LIFR: variants seen among roughly 807,000 people sequenced by gnomAD.
The protein encoded by LIFR is leukemia inhibitory factor receptor.
In LIFR, 84 loss-of-function variants were observed where a neutral mutation model predicts 122.2. That is an observed-to-expected ratio of 0.69 (90% CI 0.58 to 0.82). LIFR has a LOEUF of 0.82. Among genes scored for constraint, LIFR ranks in the 40% least tolerant of loss-of-function variants. The pLI, the probability that LIFR is intolerant of heterozygous loss-of-function variation, is 0.00. For missense variants in LIFR, 1,294 were observed against 1,311.6 expected (o/e 0.99, Z 0.21); for synonymous variants, 422 against 434.7 (o/e 0.97, Z 0.36).
chr5:38,556,281 G>GGGCTCCGC (rs1209426758), intron 1 of LIFR, 53 bp downstream of exon 1: 1 of 151,804 alleles, frequency 6.6e-6, no homozygotes, highest in Non-Finnish European at 1.5e-5. Context: ...ACCCCGCTCG[G>GGGCTCCGC]GGCTCCGCGG....
At chr5:38,541,686 AT>A (rs1211169962) in intron 1 of LIFR, among the ~76,000 whole-genome samples, 1 of 152,240 alleles carries the variant, frequency 6.6e-6, no homozygotes, top group Non-Finnish European at 1.5e-5. Flanking sequence ...AGATATAGGA[AT>A]CATATCCAAC....
At chr5:38,503,207 A>C (rs1171705453) in intron 10 of LIFR, among the ~76,000 whole-genome samples, 5 of 152,204 alleles carry the variant, frequency 3.3e-5, no homozygotes, top group Non-Finnish European at 7.4e-5. Context: ...TATTTGGATG[A>C]TATTTGGAAG....
chr5:38,523,444 T>C lies in LIFR; in HGVS notation c.536A>G (p.Lys179Arg), dbSNP rs766755269. The change falls in exon 5 of 20, where the codon AAA (lysine) becomes AGA (arginine). Residue 179 changes from lysine (K) to arginine (R), a missense_variant. Transcript: ENST00000453190. The part of the protein sequence containing the change: ...NVIWEIKVLR[K>R]ESMELVKLVT... ...TAATTTTACGAGCTCCATACTCTCT[T>C]TACGTAGAACTTTAATTTCCCAGAT... 6.2e-7 allele frequency: 1 copy of C among 1,613,078 alleles called. No individual in the cohort carries two copies. Among genetic ancestry groups the C allele is most frequent in the Non-Finnish European group, 8.5e-7 (1 of 1,179,610 alleles).
chr5:38,600,833 C>T (rs1750209353), intron 2 of LIFR, among the ~76,000 whole-genome samples: 1 of 152,154 alleles, frequency 6.6e-6, no homozygotes, highest in Admixed American at 6.6e-5. Context: ...CTTTCCTGAT[C>T]ATTTTGGGCC....
At chr5:38,483,024 TGGTCATAAA>T (rs1744080140) in intron 18 of LIFR, among the ~76,000 whole-genome samples, 1 of 152,160 alleles carries the variant, frequency 6.6e-6, no homozygotes, top group African/African-American at 2.4e-5. Flanking sequence ...GTTAAAAAGG[TGGTCATAAA>T]GGTGATAACT....
chr5:38,596,456 C>T (rs944874683), upstream of LIFR, among the ~76,000 whole-genome samples: 3 of 152,168 alleles, frequency 2.0e-5, no homozygotes, highest in Admixed American at 1.3e-4. Context: ...GGTGCCTGGG[C>T]CCCACCTCCA....
chr5:38,517,226 A>G (rs796100676), intron 5 of LIFR, among the ~76,000 whole-genome samples: 7 of 152,192 alleles, frequency 4.6e-5, no homozygotes, highest in African/African-American at 1.7e-4. Flanking sequence ...AAATTTAATA[A>G]ATAAAAAAAT....
At chr5:38,542,318 T>C (rs1747635646) in intron 1 of LIFR, among the ~76,000 whole-genome samples, 1 of 152,180 alleles carries the variant, frequency 6.6e-6, no homozygotes, top group Admixed American at 6.5e-5. Flanking sequence ...CCTTTTTTAT[T>C]ATGTAAGTTT....
At chr5:38,484,081 T>G (rs1024498384) in intron 18 of LIFR, among the ~76,000 whole-genome samples, 4 of 152,174 alleles carry the variant, frequency 2.6e-5, no homozygotes, top group African/African-American at 9.7e-5. Flanking sequence ...TTCAGGGCCC[T>G]CAAAGAAATA....
At chr5:38,493,929 A>G (rs1298759448) in intron 13 of LIFR, 144 bp from the exon 14 acceptor site, 14 of 704,928 alleles carry the variant, frequency 2.0e-5, no homozygotes, top group Non-Finnish European at 2.9e-5. Flanking sequence ...CCTAGAGCAA[A>G]GATTAGAAGT....
At chr5:38,487,277 C>T (rs1167923412) in intron 16 of LIFR, among the ~76,000 whole-genome samples, 3 of 152,170 alleles carry the variant, frequency 2.0e-5, no homozygotes, top group South Asian at 2.1e-4. Flanking sequence ...TTTGCAGCCT[C>T]GCATGTACAA....
At position 38,496,449 on chromosome 5, in the gene LIFR, G is replaced by A. The variant is rs746996054; in HGVS notation, c.1818C>T (p.Ser606=). The A allele has an allele frequency of 4.3e-6, 7 of 1,613,856 alleles. No individual in the cohort carries two copies. The highest frequency in any genetic ancestry group is 1.6e-4 in the Middle Eastern group (1 of 6,062). ...AGCCCACAGAATTTTTAGCCACTACGCTGATGATGTAGTCATTCTTATCAA... is the reference window on the plus strand; with the variant it reads ...AGCCCACAGAATTTTTAGCCACTACACTGATGATGTAGTCATTCTTATCAA... The part of the protein sequence containing the change: ...IRLDKNDYII[S]VVAKNSVGSS... The change falls in exon 13 of 20, where the codon AGC becomes AGT. Residue 606 remains serine, a synonymous_variant. Transcript: ENST00000453190.
In LIFR at chr5:38,481,263, A is replaced by G. The variant is rs962329134; in HGVS notation, c.*332T>C. The G allele has an allele frequency of 1.8e-5, 7 of 395,178 alleles. No homozygotes were observed. Among genetic ancestry groups the G allele is most frequent in the Non-Finnish European group, 3.2e-5 (7 of 215,956 alleles). 24.5% of individuals were successfully genotyped at this position (395,178 alleles called of 1,614,324 possible). On this transcript the variant is annotated 3_prime_UTR_variant, in exon 20 of 20. Coordinates refer to ENST00000453190, the MANE Select transcript of LIFR (RefSeq NM_001127671.2). ...GAAAACCACAAACAACAGAACAGAA[A>G]ACAGTTGCGGCGGGATTTGTTTTAC...
intron 1 of LIFR, among the ~76,000 whole-genome samples, chr5:38,544,303 CT>C (rs1747755050): frequency 6.6e-6 from 1 of 151,836 alleles, no homozygotes; most frequent in Admixed American, 6.6e-5. Flanking sequence ...GTGGATTCTC[CT>C]TATAAGCACA....
chr5:38,554,102 C>T (rs1748388406), intron 1 of LIFR, among the ~76,000 whole-genome samples: 1 of 152,154 alleles, frequency 6.6e-6, no homozygotes, highest in Admixed American at 6.5e-5. Context: ...GTACAAGCTG[C>T]CTCTCTACGT....
chr5:38,515,445 G>C (rs1746023846), intron 5 of LIFR, among the ~76,000 whole-genome samples: 1 of 152,106 alleles, frequency 6.6e-6, no homozygotes, highest in Non-Finnish European at 1.5e-5. Flanking sequence ...ATGAAGCAGA[G>C]AAATAAACAC....
intron 13 of LIFR, among the ~76,000 whole-genome samples, chr5:38,494,082 C>T (rs1744745834): frequency 6.6e-6 from 1 of 152,146 alleles, no homozygotes; most frequent in African/African-American, 2.4e-5. Flanking sequence ...GATCAAGGCA[C>T]AGGAAGGACG....
At chr5:38,606,901 C>A (rs1191734834) in intron 1 of LIFR, among the ~76,000 whole-genome samples, 5 of 152,156 alleles carry the variant, frequency 3.3e-5, no homozygotes, top group African/African-American at 1.2e-4. Context: ...CAATTCATAT[C>A]ATATCCAACC....
chr5:38,532,753 G>A (rs1747081183), intron 1 of LIFR, among the ~76,000 whole-genome samples: 2 of 152,182 alleles, frequency 1.3e-5, no homozygotes, highest in South Asian at 4.1e-4. Flanking sequence ...TGGACTTACT[G>A]TGGGCCAGAA....
Sources: gnomAD v4.1 joint callset for allele counts (sites outside exome capture counted in the v4.1 genomes callset) on GRCh38, gnomAD v4.1.1 for gene constraint, MANE v1.5 for transcripts, NCBI Gene and HGNC (gene_info 2026-07-23, HGNC 2026-07-21) for gene names.